SUPT3H: variants seen among roughly 807,000 people sequenced by gnomAD.
SUPT3H encodes SPT3 homolog, SAGA and STAGA complex component.
A neutral mutation model predicts 44.3 loss-of-function variants in SUPT3H; 44 were observed. The ratio of observed to expected loss-of-function variants is 0.99; its 90% confidence interval spans 0.78 to 1.28. The LOEUF (loss-of-function observed/expected upper bound fraction) is 1.28. SUPT3H is among the 50% of genes most tolerant of loss of function. The pLI is 0.00. For missense variants in SUPT3H, 380 were observed against 387.1 expected (o/e 0.98, Z 0.15); for synonymous variants, 124 against 125.6 (o/e 0.99, Z 0.09).
At chr6:45,189,056 C>A (rs979904795) in intron 2 of SUPT3H, among the ~76,000 whole-genome samples, 1 of 152,058 alleles carries the variant, frequency 6.6e-6, no homozygotes, top group African/African-American at 2.4e-5. Flanking sequence ...CCTGCATTGG[C>A]CTCCCAAAGT....
intron 2 of SUPT3H, among the ~76,000 whole-genome samples, chr6:45,342,959 G>A (rs1790117686): frequency 6.6e-6 from 1 of 152,114 alleles, no homozygotes; most frequent in Non-Finnish European, 1.5e-5. Context: ...TCCAGTTATA[G>A]CGCCTAGTAC....
intron 9 of SUPT3H, among the ~76,000 whole-genome samples, chr6:44,935,575 A>G (rs1470002087): frequency 6.6e-6 from 1 of 152,210 alleles, no homozygotes; most frequent in African/African-American, 2.4e-5. Context: ...TAAGAAAAGT[A>G]CTAGCTGTTT....
chr6:45,157,173 C>T (rs1006514706), intron 2 of SUPT3H, among the ~76,000 whole-genome samples: 7 of 151,866 alleles, frequency 4.6e-5, no homozygotes, highest in Non-Finnish European at 7.4e-5. Context: ...TATACAACAT[C>T]GTAGAAAAGA....
chr6:45,031,493 T>G (rs943402910), intron 3 of SUPT3H, among the ~76,000 whole-genome samples: 2 of 152,168 alleles, frequency 1.3e-5, no homozygotes, highest in African/African-American at 4.8e-5. Context: ...AACGAATTGT[T>G]TCTCTAATAA....
intron 3 of SUPT3H, among the ~76,000 whole-genome samples, chr6:45,079,967 A>G (rs1795564855): frequency 6.6e-6 from 1 of 152,224 alleles, no homozygotes; most frequent in Admixed American, 6.5e-5. Context: ...ATCAAATTGC[A>G]AAGCTTCTGC....
chr6:44,916,769 C>T (rs1767868700), intron 10 of SUPT3H, among the ~76,000 whole-genome samples: 1 of 152,106 alleles, frequency 6.6e-6, no homozygotes, highest in African/African-American at 2.4e-5. Flanking sequence ...TACTGCATTT[C>T]TTTAAGCATG....
At chr6:45,092,513 G>A (rs1203310631) in intron 3 of SUPT3H, among the ~76,000 whole-genome samples, 1 of 152,086 alleles carries the variant, frequency 6.6e-6, no homozygotes. Flanking sequence ...CATTTGGGAG[G>A]CTGAGGCGGG....
intron 10 of SUPT3H, among the ~76,000 whole-genome samples, chr6:44,862,874 A>T (rs1191428131): frequency 6.6e-6 from 1 of 152,132 alleles, no homozygotes. Flanking sequence ...GAACCTGATC[A>T]AACAATTTAA....
rs544520421 is a variant in SUPT3H at position 44,957,703 on chromosome 6, A to G, written c.581-3096T>C. On this transcript the variant is annotated intron_variant, in intron 7 of 10. Coordinates refer to ENST00000371459, the MANE Select transcript of SUPT3H (RefSeq NM_003599.4). ...GCAGGGACAAGGACCATATATCTCC[A>G]ACTGTATCCCTAGCACCTAGAATAC... 4.6e-5 allele frequency among the ~76,000 whole-genome samples: 7 copies of G among 152,244 alleles called. No homozygotes were observed. The South Asian group carries it at 1.4e-3, about 32-fold the overall frequency.
At chr6:45,233,153 G>A (rs929408205) in intron 2 of SUPT3H, among the ~76,000 whole-genome samples, 14 of 152,184 alleles carry the variant, frequency 9.2e-5, no homozygotes, top group African/African-American at 3.4e-4. Context: ...TTGGTGTGCT[G>A]CACTGTCCTT....
At chr6:45,037,251 G>A (rs1280013468) in intron 3 of SUPT3H, among the ~76,000 whole-genome samples, 1 of 151,838 alleles carries the variant, frequency 6.6e-6, no homozygotes, top group Non-Finnish European at 1.5e-5. Flanking sequence ...GCTTTGGTAG[G>A]AGTGGCTGCA....
chr6:44,925,943 C>A (rs1032873688), intron 10 of SUPT3H, among the ~76,000 whole-genome samples: 2 of 152,040 alleles, frequency 1.3e-5, no homozygotes, highest in Admixed American at 6.6e-5. Context: ...TTCATTTAAA[C>A]CTTTGTTACA....
At chr6:45,194,445 C>A (rs1815675320) in intron 2 of SUPT3H, among the ~76,000 whole-genome samples, 1 of 151,960 alleles carries the variant, frequency 6.6e-6, no homozygotes, top group Non-Finnish European at 1.5e-5. Flanking sequence ...ATACAGAAAT[C>A]ATAAGTTTAA....
chr6:45,142,671 A>C (rs1407451980), intron 2 of SUPT3H, among the ~76,000 whole-genome samples: 4 of 132,844 alleles, frequency 3.0e-5, no homozygotes, highest in Non-Finnish European at 6.2e-5. Flanking sequence ...GGGAGGCGGA[A>C]GTTGCAGTGA....
chr6:45,022,673 C>A (rs771261703), intron 3 of SUPT3H, among the ~76,000 whole-genome samples: 42 of 152,000 alleles, frequency 2.8e-4, no homozygotes, highest in Non-Finnish European at 5.3e-4. Flanking sequence ...CTTACCAAGG[C>A]CTGCCTATCC....
chr6:45,194,928 T>C (rs185932069), intron 2 of SUPT3H, among the ~76,000 whole-genome samples: 1 of 152,224 alleles, frequency 6.6e-6, no homozygotes, highest in African/African-American at 2.4e-5. Flanking sequence ...TACCAAATCA[T>C]AAAAGGCAAA....
intron 2 of SUPT3H, among the ~76,000 whole-genome samples, chr6:45,327,606 A>G (rs1326276925): frequency 1.3e-5 from 2 of 151,998 alleles, no homozygotes; most frequent in Non-Finnish European, 2.9e-5. Flanking sequence ...CCGCCATCTA[A>G]TAGATTGATA....
chr6:44,941,341 C>T (rs1772395406), intron 9 of SUPT3H, among the ~76,000 whole-genome samples: 1 of 152,054 alleles, frequency 6.6e-6, no homozygotes, highest in African/African-American at 2.4e-5. Context: ...GATGAAGTCC[C>T]TCAGTGTTTG....
chr6:44,961,913 C>G, intron 6 of SUPT3H, 85 bp from the exon 7 acceptor site: 5 of 1,042,178 alleles, frequency 4.8e-6, no homozygotes, highest in Non-Finnish European at 7.1e-6. Flanking sequence ...ATTGAAGTAC[C>G]ATTTTCCTTT....
Sources: gnomAD v4.1 joint callset for allele counts (sites outside exome capture counted in the v4.1 genomes callset) on GRCh38, gnomAD v4.1.1 for gene constraint, MANE v1.5 for transcripts, NCBI Gene and HGNC (gene_info 2026-07-23, HGNC 2026-07-21) for gene names.